Variants in VPS13B observed in about 807,000 individuals in gnomAD.
VPS13B encodes the protein vacuolar protein sorting 13 homolog B.
A neutral mutation model predicts 426.4 loss-of-function variants in VPS13B; 285 were observed. The ratio of observed to expected loss-of-function variants is 0.67; its 90% CI spans 0.61 to 0.74. VPS13B has a LOEUF of 0.74. VPS13B is among the 30% of genes least tolerant of loss of function. VPS13B has a pLI of 0.00. For synonymous variants in VPS13B, 1,676 were observed against 1,676.4 expected (o/e 1.00, Z 0.01); for missense variants, 4,537 against 4,782.6 (o/e 0.95, Z 1.51).
At chr8:99,482,432 A>G (rs1459593888) in intron 25 of VPS13B, among the ~76,000 whole-genome samples, 1 of 152,216 alleles carries the variant, frequency 6.6e-6, no homozygotes, top group Non-Finnish European at 1.5e-5. Context: ...AATGTCTTAA[A>G]TAAAAGGAAA....
intron 58 of VPS13B, among the ~76,000 whole-genome samples, chr8:99,866,844 C>T (rs1254883135): frequency 1.3e-5 from 2 of 152,244 alleles, no homozygotes; most frequent in Non-Finnish European, 2.9e-5. Context: ...ATGAGGGGTG[C>T]TCCCAGCTGA....
intron 25 of VPS13B, among the ~76,000 whole-genome samples, chr8:99,498,951 GA>G (rs1324636980): frequency 6.6e-6 from 1 of 152,092 alleles, no homozygotes; most frequent in Non-Finnish European, 1.5e-5. Context: ...AAGAATGCAG[GA>G]GTTATTTTGA....
chr8:99,495,199 A>G (rs2133591949), intron 25 of VPS13B, among the ~76,000 whole-genome samples: 1 of 152,290 alleles, frequency 6.6e-6, no homozygotes. Flanking sequence ...ATGTTGAATA[A>G]TTTTGGAATA....
At chr8:99,360,120 ATCTTTCTTTCTTTCTT>A (rs772269369) in intron 19 of VPS13B, among the ~76,000 whole-genome samples, 1,603 of 62,312 alleles carry the variant, frequency 0.026, 91 homozygotes, top group South Asian at 0.033. Context: ...TTTTTTCCTT[ATCTTTCTTTCTTTCTT>A]TCTTTCTTTC....
chr8:99,480,200 AT>A (rs1322451529), intron 24 of VPS13B, among the ~76,000 whole-genome samples: 1 of 152,164 alleles, frequency 6.6e-6, no homozygotes, highest in African/African-American at 2.4e-5. Context: ...AAACCTCTGA[AT>A]TTGGAAAGTC....
At chr8:99,707,598 C>CA (rs1832542302) in intron 36 of VPS13B, among the ~76,000 whole-genome samples, 1 of 152,060 alleles carries the variant, frequency 6.6e-6, no homozygotes, top group African/African-American at 2.4e-5. Flanking sequence ...CAATTTTAAC[C>CA]AAAACAAACA....
intron 2 of VPS13B, among the ~76,000 whole-genome samples, chr8:99,026,765 C>T (rs767242342): frequency 3.1e-4 from 47 of 152,158 alleles, no homozygotes; most frequent in Admixed American, 1.6e-3. Context: ...GATAACTACT[C>T]CTATTCATTT....
intron 51 of VPS13B, among the ~76,000 whole-genome samples, chr8:99,824,301 G>A (rs1588750528): frequency 6.6e-6 from 1 of 152,304 alleles, no homozygotes; most frequent in Non-Finnish European, 1.5e-5. Flanking sequence ...CATGAGGACT[G>A]GCTCCTGGGT....
At chr8:99,781,585 A>C (rs115025169) in intron 42 of VPS13B, among the ~76,000 whole-genome samples, 1,962 of 152,306 alleles carry the variant, frequency 0.013, 43 homozygotes, top group African/African-American at 0.044. Context: ...CAGATGAAGC[A>C]GCAGTAGAGA....
intron 17 of VPS13B, among the ~76,000 whole-genome samples, chr8:99,243,527 T>C: frequency 6.6e-6 from 1 of 152,158 alleles, no homozygotes; most frequent in East Asian, 1.9e-4. Flanking sequence ...GTTCATTACA[T>C]AGGAAATATA....
intron 31 of VPS13B, 98 bp from the exon 32 acceptor site, chr8:99,575,560 T>C (rs1563805010): frequency 6.9e-7 from 1 of 1,444,936 alleles, no homozygotes; most frequent in Non-Finnish European, 9.6e-7. Flanking sequence ...AATGTAATTT[T>C]GCCATACATG....
At position 99,823,948 on chromosome 8, in the gene VPS13B, A is replaced by G. The variant is rs143974238; in HGVS notation, c.9300A>G (p.Leu3100=). The G allele has an allele frequency of 5.6e-6, 9 of 1,613,090 alleles. No individual in the cohort carries two copies. The highest frequency in any genetic ancestry group is 3.3e-5 in the Admixed American group (2 of 59,986). ...ATCAAATATTTTATAAACCACAGCT[A>G]TCTGTCTGCAATCCCCATTCTGGAA... ...TPYQIFYKPQ[L]SVCNPHSGKE... is the part of the protein sequence containing the mutation. Residue 3100 remains leucine, a synonymous_variant, in exon 51 of 62, where the codon CTA becomes CTG. Coordinates refer to ENST00000357162, the MANE Select transcript of VPS13B (RefSeq NM_152564.5).
At chr8:99,345,333 G>C (rs1410160989) in intron 19 of VPS13B, among the ~76,000 whole-genome samples, 2 of 152,054 alleles carry the variant, frequency 1.3e-5, no homozygotes, top group African/African-American at 4.8e-5. Flanking sequence ...TTCAAAATCA[G>C]GGGCTGGCAA....
intron 3 of VPS13B, among the ~76,000 whole-genome samples, chr8:99,041,288 CAG>C (rs760092922): frequency 2.6e-5 from 4 of 152,304 alleles, no homozygotes; most frequent in Non-Finnish European, 5.9e-5. Flanking sequence ...TTAAATCTTG[CAG>C]AGTTACTACT....
chr8:99,033,443 T>G (rs1019314119), intron 2 of VPS13B, among the ~76,000 whole-genome samples: 1 of 152,226 alleles, frequency 6.6e-6, no homozygotes, highest in Admixed American at 6.5e-5. Flanking sequence ...ATTCACTGAT[T>G]CTTTTGCCAA....
chr8:99,027,364 A>T, intron 2 of VPS13B, among the ~76,000 whole-genome samples: 2 of 140,386 alleles, frequency 1.4e-5, no homozygotes, highest in African/African-American at 2.7e-5. Context: ...TTACTTTCCT[A>T]TTGTTTATCT....
chr8:99,750,041 A>G (rs890945240), intron 39 of VPS13B, among the ~76,000 whole-genome samples: 11 of 152,152 alleles, frequency 7.2e-5, no homozygotes, highest in Non-Finnish European at 1.5e-4. Context: ...TATTTTTTAA[A>G]AAGAGACTTC....
At chr8:99,584,647 G>T (rs920277908) in intron 33 of VPS13B, among the ~76,000 whole-genome samples, 6 of 152,172 alleles carry the variant, frequency 3.9e-5, no homozygotes, top group Non-Finnish European at 8.8e-5. Context: ...TATATGAAAA[G>T]TGTTAAATAT....
At chr8:99,767,028 T>C in intron 40 of VPS13B, 58 bp downstream of exon 40, 1 of 1,547,118 alleles carries the variant, frequency 6.5e-7, no homozygotes, top group East Asian at 2.3e-5. Flanking sequence ...ATAAGTCATC[T>C]TTTCCTATCT....
Sources: gnomAD v4.1 joint callset for allele counts (sites outside exome capture counted in the v4.1 genomes callset) on GRCh38, gnomAD v4.1.1 for gene constraint, MANE v1.5 for transcripts, NCBI Gene and HGNC (gene_info 2026-07-23, HGNC 2026-07-21) for gene names.